Variants in BRINP3 observed in about 807,000 individuals in gnomAD.
The protein encoded by BRINP3 is BMP/retinoic acid inducible neural specific 3, also known as BMP/retinoic acid-inducible neural-specific protein 3.
A neutral mutation model predicts 71.0 loss-of-function variants in BRINP3; 19 were observed. The ratio of observed to expected loss-of-function variants is 0.27; its 90% confidence interval spans 0.19 to 0.39. BRINP3 has a LOEUF of 0.39. Ranked by LOEUF, BRINP3 falls within the 10% of genes least tolerant of loss-of-function variation. The pLI is 1.00. For synonymous variants in BRINP3, 380 were observed against 337.7 expected, an observed-to-expected ratio of 1.13 and a Z score of -1.37; for missense variants, 959 against 940.8, an observed-to-expected ratio of 1.02 and a Z score of -0.25.
At chr1:190,243,168 G>A (rs1659273635) in intron 4 of BRINP3, among the ~76,000 whole-genome samples, 1 of 152,168 alleles carries the variant, frequency 6.6e-6, no homozygotes, top group South Asian at 2.1e-4. Context: ...TTGATTTAGT[G>A]TGATATGGAA....
chr1:190,340,733 C>A (rs1225064197), intron 2 of BRINP3, among the ~76,000 whole-genome samples: 1 of 151,044 alleles, frequency 6.6e-6, no homozygotes, highest in African/African-American at 2.4e-5. Flanking sequence ...ATCTCATAGG[C>A]CCTGTCAAAA....
intron 7 of BRINP3, among the ~76,000 whole-genome samples, chr1:190,148,596 AAAAT>A (rs71123073): frequency 0.29 from 39,165 of 134,558 alleles, 5,808 homozygotes; most frequent in Middle Eastern, 0.41. Flanking sequence ...ACTCTGTCAC[AAAAT>A]AAATAAATAA....
intron 2 of BRINP3, among the ~76,000 whole-genome samples, chr1:190,393,957 C>T (rs1420892689): frequency 2.0e-5 from 3 of 151,466 alleles, no homozygotes; most frequent in East Asian, 1.9e-4. Context: ...TTAAAATTTC[C>T]CTTTGCCTGA....
At chr1:190,170,098 A>G (rs1375414288) in intron 6 of BRINP3, among the ~76,000 whole-genome samples, 1 of 152,134 alleles carries the variant, frequency 6.6e-6, no homozygotes, top group Non-Finnish European at 1.5e-5. Context: ...ATTATTCCCT[A>G]CACTTAAAGA....
chr1:190,159,922 A>C (rs1657201950), intron 7 of BRINP3, among the ~76,000 whole-genome samples: 1 of 152,098 alleles, frequency 6.6e-6, no homozygotes, highest in Non-Finnish European at 1.5e-5. Flanking sequence ...ATCTATAATC[A>C]CAGAGTTCTC....
chr1:190,422,666 A>C (rs1673459538), intron 2 of BRINP3, among the ~76,000 whole-genome samples: 1 of 151,842 alleles, frequency 6.6e-6, no homozygotes, highest in Non-Finnish European at 1.5e-5. Context: ...TTATCACAAA[A>C]GGCCACTTTC....
chr1:190,438,130 G>A (rs942677760), intron 2 of BRINP3, among the ~76,000 whole-genome samples: 6 of 151,198 alleles, frequency 4.0e-5, no homozygotes, highest in African/African-American at 1.5e-4. Context: ...GAAATGAAGA[G>A]TACTTCAACT....
intron 2 of BRINP3, among the ~76,000 whole-genome samples, chr1:190,281,981 GA>G (rs144891541): frequency 0.09 from 13,688 of 151,574 alleles, 894 homozygotes; most frequent in East Asian, 0.24. Flanking sequence ...AGCTTCCACT[GA>G]GATTTTTTTC....
chr1:190,098,307 T>A lies in BRINP3; in HGVS notation c.2012A>T (p.Tyr671Phe), dbSNP rs754838990. 8 of 1,614,036 alleles carry A rather than the reference T, an allele frequency of 5.0e-6. No individual in the cohort carries two copies. The Admixed American group carries it at 1.3e-4, about 27-fold the overall frequency. ...MKINNIQVFGYSMHFDPEAIR... is the reference protein window; with the variant it reads ...MKINNIQVFGFSMHFDPEAIR... ...TGCTTCAGGGTCAAAGTGCATGCTG[T>A]AGCCAAACACTTGAATGTTATTGAT... is the stretch of plus-strand genomic sequence containing the variant. The change falls in exon 8 of 8, where the codon TAC (tyrosine) becomes TTC (phenylalanine). Residue 671 changes from tyrosine (Y) to phenylalanine (F), a missense_variant. Physicochemically the swap from Tyr to Phe is conservative, Grantham distance 22. Coordinates refer to ENST00000367462, the MANE Select transcript of BRINP3 (RefSeq NM_199051.3).
At chr1:190,130,703 C>T (rs1323244090) in intron 7 of BRINP3, among the ~76,000 whole-genome samples, 3 of 152,054 alleles carry the variant, frequency 2.0e-5, no homozygotes, top group African/African-American at 7.2e-5. Flanking sequence ...TTGTGTTTCT[C>T]AGTCAGCTTT....
chr1:190,102,942 G>A (rs528460220), intron 7 of BRINP3, among the ~76,000 whole-genome samples: 3 of 152,134 alleles, frequency 2.0e-5, no homozygotes, highest in East Asian at 3.9e-4. Context: ...TTATACCACT[G>A]AGAAATCATG....
chr1:190,417,917 A>G (rs1349001981), intron 2 of BRINP3, among the ~76,000 whole-genome samples: 1 of 152,158 alleles, frequency 6.6e-6, no homozygotes, highest in East Asian at 1.9e-4. Flanking sequence ...ATTCAACTCG[A>G]TTCTGATCAA....
At chr1:190,261,837 A>G (rs950919357) in intron 4 of BRINP3, among the ~76,000 whole-genome samples, 1 of 152,208 alleles carries the variant, frequency 6.6e-6, no homozygotes, top group African/African-American at 2.4e-5. Context: ...TTAGGTATTT[A>G]GTAAAGGAAT....
intron 5 of BRINP3, among the ~76,000 whole-genome samples, chr1:190,229,645 A>ACACACACACAC (rs1657756059): frequency 7.5e-6 from 1 of 133,414 alleles, no homozygotes; most frequent in South Asian, 2.5e-4. Context: ...AACAAAACAA[A>ACACACACACAC]ACACACACAC....
At chr1:190,200,555 A>G (rs1477816288) in intron 6 of BRINP3, among the ~76,000 whole-genome samples, 1 of 152,146 alleles carries the variant, frequency 6.6e-6, no homozygotes, top group Non-Finnish European at 1.5e-5. Context: ...AGCCACAGAT[A>G]TAACTCCCAA....
chr1:190,116,184 C>T (rs893087675), intron 7 of BRINP3, among the ~76,000 whole-genome samples: 7 of 152,004 alleles, frequency 4.6e-5, no homozygotes, highest in African/African-American at 7.2e-5. Flanking sequence ...TAAATTTCTC[C>T]TCAAAATAAA....
intron 2 of BRINP3, among the ~76,000 whole-genome samples, chr1:190,447,529 CTA>C (rs1243838926): frequency 2.7e-5 from 4 of 146,262 alleles, no homozygotes; most frequent in African/African-American, 7.4e-5. Context: ...CACTTTTGCA[CTA>C]TATATATATA....
At chr1:190,159,548 A>C (rs993024420) in intron 7 of BRINP3, among the ~76,000 whole-genome samples, 4 of 152,090 alleles carry the variant, frequency 2.6e-5, no homozygotes, top group African/African-American at 9.6e-5. Flanking sequence ...ACCTGAAAGC[A>C]GTTTGCTAAG....
At chr1:190,307,772 C>A (rs924621631) in intron 2 of BRINP3, among the ~76,000 whole-genome samples, 7 of 151,802 alleles carry the variant, frequency 4.6e-5, no homozygotes, top group Non-Finnish European at 8.8e-5. Context: ...CTGTACTTTA[C>A]AACACTAACA....
Sources: gnomAD v4.1 joint callset for allele counts (sites outside exome capture counted in the v4.1 genomes callset) on GRCh38, gnomAD v4.1.1 for gene constraint, MANE v1.5 for transcripts, NCBI Gene and HGNC (gene_info 2026-07-23, HGNC 2026-07-21) for gene names.